AUTS2: variants seen among roughly 807,000 people sequenced by gnomAD.
The protein encoded by AUTS2 is activator of transcription and developmental regulator AUTS2.
Under a neutral mutation model 112.4 loss-of-function variants are expected in AUTS2, and 17 were observed. The observed-to-expected ratio is 0.15, with a 90% CI of 0.10 to 0.23. The LOEUF (loss-of-function observed/expected upper bound fraction) is 0.23, where lower values mean the gene tolerates loss of function less well. Among genes scored for constraint, AUTS2 ranks in the 10% least tolerant of loss-of-function variants. The pLI is 1.00. For synonymous variants in AUTS2, 751 were observed against 702.7 expected, an observed-to-expected ratio of 1.07 and a Z score of -1.09; for missense variants, 1,510 against 1,701.6, an observed-to-expected ratio of 0.89 and a Z score of 1.98.
intron 2 of AUTS2, among the ~76,000 whole-genome samples, chr7:70,008,402 ATAT>A (rs1414349298): frequency 2.0e-5 from 3 of 152,288 alleles, no homozygotes; most frequent in East Asian, 3.9e-4. Flanking sequence ...CCTTTAAAAA[ATAT>A]TATGCATTAT....
At chr7:69,748,332 C>T (rs1787598183) in intron 1 of AUTS2, among the ~76,000 whole-genome samples, 1 of 152,200 alleles carries the variant, frequency 6.6e-6, no homozygotes, top group East Asian at 1.9e-4. Flanking sequence ...CTAGGGTAGC[C>T]TGGTGGTTTG....
intron 4 of AUTS2, among the ~76,000 whole-genome samples, chr7:70,431,040 T>C (rs1266276364): frequency 6.6e-6 from 1 of 151,964 alleles, no homozygotes; most frequent in African/African-American, 2.4e-5. Flanking sequence ...GGTTTCACCG[T>C]TTTAGCCGGG....
At chr7:70,173,516 C>T (rs1808820190) in intron 4 of AUTS2, among the ~76,000 whole-genome samples, 1 of 152,140 alleles carries the variant, frequency 6.6e-6, no homozygotes, top group African/African-American at 2.4e-5. Flanking sequence ...GTAGCATGTA[C>T]TTCTCTTTTA....
chr7:69,651,530 C>T (rs1795288932), intron 1 of AUTS2, among the ~76,000 whole-genome samples: 1 of 146,498 alleles, frequency 6.8e-6, no homozygotes, highest in Non-Finnish European at 1.5e-5. Flanking sequence ...ATAGACCCGC[C>T]TACTATACTT....
intron 1 of AUTS2, among the ~76,000 whole-genome samples, chr7:69,787,850 C>T (rs538274075): frequency 1.4e-5 from 2 of 139,002 alleles, no homozygotes; most frequent in Non-Finnish European, 3.2e-5. Context: ...GCTGGGCTTA[C>T]AGGCGTTGAG....
chr7:70,501,278 G>C (rs2116631325), intron 5 of AUTS2, among the ~76,000 whole-genome samples: 1 of 152,328 alleles, frequency 6.6e-6, no homozygotes, highest in Non-Finnish European at 1.5e-5. Context: ...AGGACTGGGA[G>C]AGTAGTTAGC....
At chr7:70,002,742 C>T (rs943281544) in intron 2 of AUTS2, among the ~76,000 whole-genome samples, 4 of 151,848 alleles carry the variant, frequency 2.6e-5, no homozygotes, top group East Asian at 1.9e-4. Context: ...TTTTATGTAC[C>T]GGACTGTACT....
intron 5 of AUTS2, among the ~76,000 whole-genome samples, chr7:70,472,725 G>A (rs76657846): frequency 2.9e-4 from 44 of 152,232 alleles, no homozygotes; most frequent in African/African-American, 9.2e-4. Context: ...AGAAACAGGC[G>A]TATTTGAAGA....
At chr7:70,248,542 A>G (rs1396564017) in intron 4 of AUTS2, among the ~76,000 whole-genome samples, 2 of 152,266 alleles carry the variant, frequency 1.3e-5, no homozygotes, top group Non-Finnish European at 2.9e-5. Context: ...TGACCAGATA[A>G]TATTTGTCTG....
chr7:70,113,451 C>T (rs1427593140), intron 2 of AUTS2, among the ~76,000 whole-genome samples: 1 of 152,090 alleles, frequency 6.6e-6, no homozygotes, highest in Non-Finnish European at 1.5e-5. Context: ...AGATTAAATA[C>T]TTGGCTGCTT....
At chr7:69,623,267 G>C (rs1023033118) in intron 1 of AUTS2, among the ~76,000 whole-genome samples, 29 of 152,152 alleles carry the variant, frequency 1.9e-4, no homozygotes, top group African/African-American at 6.7e-4. Context: ...CTGTCACCCA[G>C]GCTGGAATGT....
intron 5 of AUTS2, among the ~76,000 whole-genome samples, chr7:70,671,879 G>T (rs1807664102): frequency 6.6e-6 from 1 of 152,058 alleles, no homozygotes; most frequent in Non-Finnish European, 1.5e-5. Context: ...AAGTGAGAGT[G>T]GAAGACACTA....
chr7:70,188,784 CT>C (rs530872900), intron 4 of AUTS2, among the ~76,000 whole-genome samples: 307 of 142,660 alleles, frequency 2.2e-3, no homozygotes, highest in Middle Eastern at 7.2e-3. Context: ...TTCTTTCTTT[CT>C]TTTTTTTTTT....
intron 13 of AUTS2, among the ~76,000 whole-genome samples, chr7:70,776,037 T>C (rs1790666598): frequency 6.6e-6 from 1 of 152,132 alleles, no homozygotes; most frequent in South Asian, 2.1e-4. Context: ...TAATTTGATT[T>C]CTCCAGGGGA....
At chr7:69,653,756 A>G (rs942491396) in intron 1 of AUTS2, among the ~76,000 whole-genome samples, 1 of 151,968 alleles carries the variant, frequency 6.6e-6, no homozygotes, top group African/African-American at 2.4e-5. Context: ...TGCTGGAAGA[A>G]TGTGTGCTCA....
At chr7:70,231,669 T>C (rs1357437544) in intron 4 of AUTS2, among the ~76,000 whole-genome samples, 1 of 152,062 alleles carries the variant, frequency 6.6e-6, no homozygotes, top group Non-Finnish European at 1.5e-5. Flanking sequence ...GATCTCAATC[T>C]CCTGACCTCG....
intron 4 of AUTS2, among the ~76,000 whole-genome samples, chr7:70,158,038 T>C (rs1369843153): frequency 6.6e-6 from 1 of 152,062 alleles, no homozygotes; most frequent in Non-Finnish European, 1.5e-5. Flanking sequence ...GTTGTAGTGG[T>C]CATGGCGGGG....
chr7:70,542,615 A>G (rs890305102), intron 5 of AUTS2, among the ~76,000 whole-genome samples: 1 of 152,206 alleles, frequency 6.6e-6, no homozygotes, highest in African/African-American at 2.4e-5. Context: ...TTTATGTGTT[A>G]AACTTTATGG....
intron 5 of AUTS2, among the ~76,000 whole-genome samples, chr7:70,543,181 G>A (rs1203726585): frequency 1.3e-5 from 2 of 152,162 alleles, no homozygotes; most frequent in African/African-American, 2.4e-5. Context: ...ATCCAAATAA[G>A]GGAGGAGTAT....
Sources: allele counts gnomAD v4.1 joint callset (sites outside exome capture counted in the v4.1 genomes callset), GRCh38; gene constraint gnomAD v4.1.1; transcripts MANE v1.5; gene names NCBI Gene and HGNC (gene_info 2026-07-23, HGNC 2026-07-21).